EXOC3L4: variants seen among roughly 807,000 people sequenced by gnomAD.
EXOC3L4 encodes exocyst complex component 3 like 4, also known as exocyst complex component 3-like protein 4.
Under a neutral mutation model 69.7 loss-of-function variants are expected in EXOC3L4, and 62 were observed. That is an observed-to-expected ratio of 0.89 (90% CI 0.72 to 1.10). The LOEUF (loss-of-function observed/expected upper bound fraction) is 1.10. Ranked by LOEUF, EXOC3L4 falls within the 50% of genes least tolerant of loss-of-function variation. The probability of loss-of-function intolerance (pLI) is 0.00; values close to 1 mark genes in which losing one functional copy is unlikely to be tolerated. For synonymous variants in EXOC3L4, 502 were observed against 464.2 expected (o/e 1.08, Z -1.05); for missense variants, 1,087 against 1,034.8 (o/e 1.05, Z -0.69).
rs985989746 is a variant in EXOC3L4, at chr14:103,110,245, G to A, written c.*22G>A. 34 of 1,495,348 alleles carry A rather than the reference G, an allele frequency of 2.3e-5. No homozygotes were observed. The highest frequency in any genetic ancestry group is 3.5e-4 in the Middle Eastern group (2 of 5,768). 92.6% of individuals were successfully genotyped at this position (1,495,348 alleles called of 1,614,324 possible). A position where few individuals can be genotyped will look rare whatever the true frequency, so the allele number is the denominator to read the frequency against. On this transcript the variant is annotated 3_prime_UTR_variant, in exon 12 of 12. Coordinates refer to ENST00000688303, the MANE Select transcript of EXOC3L4 (RefSeq NM_001077594.2). ...CTAGTTCTCTCTGGCTCGAGGGGGG[G>A]CCGGCCGCTGGCAGGGAGCTGTGGT...
chr14:103,106,738 C>T (rs763553958), intron 7 of EXOC3L4, 47 bp from the exon 8 acceptor site: 1 of 1,244,802 alleles, frequency 8.0e-7, no homozygotes, highest in African/African-American at 1.5e-5. Context: ...TATTCCCCAG[C>T]CTGGTCTCCC....
intron 5 of EXOC3L4, 174 bp from the exon 6 acceptor site, chr14:103,104,564 C>A: frequency 7.8e-7 from 1 of 1,275,786 alleles, no homozygotes; most frequent in Non-Finnish European, 1.0e-6. Context: ...GGCAGGGAGG[C>A]TGCTGGATGG....
In EXOC3L4 at chr14:103,102,272, C is replaced by G. The variant is rs762863415; in HGVS notation, c.549C>G (p.Cys183Trp). 24 of 1,584,970 alleles carry G rather than the reference C, an allele frequency of 1.5e-5. No individual in the cohort carries two copies. In the Admixed American group the frequency reaches 4.2e-4, roughly 28 times the overall value. The part of the protein sequence containing the change: ...TAFARRAMDV[C>W]LLYDGLAAEI... ...TCGCGCGGCGCGCTATGGACGTGTG[C>G]CTGCTTTACGACGGGCTGGCAGCCG... The change falls in exon 3 of 12, where the codon TGC (cysteine) becomes TGG (tryptophan). Residue 183 changes from cysteine to tryptophan, a missense_variant. Cys to Trp is a radical substitution (Grantham distance 215). Transcript: ENST00000688303.
rs781214501 is a variant in EXOC3L4, at chr14:103,108,525, C to T, written c.1976+8C>T. 5.6e-6 allele frequency: 9 copies of T among 1,611,546 alleles called. No individual in the cohort carries two copies. In the East Asian group the frequency reaches 1.3e-4, roughly 24 times the overall value. The stretch of plus-strand genomic sequence containing the variant: ...GAGCTACCCCGACATCAGGTGTGTA[C>T]CCCACCTGCTTCCACTAGCTTCCTA... On this transcript the variant is annotated splice_region_variant and intron_variant, in intron 11 of 11. Coordinates refer to ENST00000688303, the MANE Select transcript of EXOC3L4 (RefSeq NM_001077594.2).
intron 1 of EXOC3L4, among the ~76,000 whole-genome samples, chr14:103,099,775 G>A (rs1890071581): frequency 6.6e-6 from 1 of 152,136 alleles, no homozygotes; most frequent in Non-Finnish European, 1.5e-5. Context: ...TGGGGGGAGG[G>A]TTTTAGGCCT....
chr14:103,108,706 T>C (rs191971953), intron 11 of EXOC3L4, among the ~76,000 whole-genome samples, 189 bp downstream of exon 11: 1 of 152,160 alleles, frequency 6.6e-6, no homozygotes, highest in Admixed American at 6.5e-5. Context: ...CCTAATCTGC[T>C]CTTGGCCATC....
At chr14:103,094,447 A>C (rs1271903130), upstream of EXOC3L4, among the ~76,000 whole-genome samples, 1 of 151,610 alleles carries the variant, frequency 6.6e-6, no homozygotes, top group Admixed American at 6.6e-5. Context: ...AGCAAAGGAG[A>C]GGTTGGTGGT....
rs1345370945 is a variant in EXOC3L4, at chr14:103,107,405, C to G, written c.1582-19C>G. ...GGGCGTAGTGCACATTTGCAGACTC[C>G]CAGCCCCTCTGTCCCCAGCCGCTCT... is the stretch of plus-strand genomic sequence containing the variant. On this transcript the variant is annotated intron_variant, in intron 8 of 11. Transcript: ENST00000688303. The G allele has an allele frequency of 1.2e-6, 2 of 1,610,374 alleles. No homozygotes were observed. The highest frequency in any genetic ancestry group is 1.3e-5 in the African/African-American group (1 of 74,876).
intron 3 of EXOC3L4, chr14:103,103,658 C>G (rs1405936503): frequency 4.7e-5 from 19 of 405,220 alleles, no homozygotes. Flanking sequence ...GGAGGGTGGC[C>G]GATTCCTGAG....
At chr14:103,108,633 A>T in intron 11 of EXOC3L4, 116 bp downstream of exon 11, 1 of 1,410,724 alleles carries the variant, frequency 7.1e-7, no homozygotes, top group Non-Finnish European at 9.7e-7. Context: ...GACCAGAGGC[A>T]GGAGGTAGGC....
chr14:103,095,493 GGAGGGGCTGAGGTCA>G (rs56081944), intron 1 of EXOC3L4, among the ~76,000 whole-genome samples: 28,565 of 152,180 alleles, frequency 0.19, 3,056 homozygotes, highest in South Asian at 0.27. Context: ...AACTGAAGAA[GGAGGGGCTGAGGTCA>G]TTGTAGGCAG....
Position 103,110,334 on chromosome 14 carries a change from A to G in EXOC3L4, c.*111A>G. Reference sequence around the variant, plus strand: ...GCCCTGCCCCCAACTCTGACACTGCAGTTAGGGAATTTTTGTCGTCAGCAG... The same window carrying G: ...GCCCTGCCCCCAACTCTGACACTGCGGTTAGGGAATTTTTGTCGTCAGCAG... On this transcript the variant is annotated 3_prime_UTR_variant, in exon 12 of 12. Transcript: ENST00000688303. 7.7e-7 allele frequency: 1 copy of G among 1,297,374 alleles called. No homozygotes were observed. The highest frequency in any genetic ancestry group is 1.1e-6 in the Non-Finnish European group (1 of 931,322). 80.4% of individuals were successfully genotyped at this position (1,297,374 alleles called of 1,614,324 possible).
chr14:103,096,401 C>CTTTTTTTTTTTTTTTTTTTTTTTTTTTTT (rs56362121), intron 1 of EXOC3L4, among the ~76,000 whole-genome samples: 1 of 131,912 alleles, frequency 7.6e-6, no homozygotes, highest in Admixed American at 8.3e-5. Context: ...TGGCAAGATT[C>CTTTTTTTTTTTTTTTTTTTTTTTTTTTTT]TTTTTTTTTT....
intron 11 of EXOC3L4, 35 bp from the exon 12 acceptor site, chr14:103,109,996 G>A: frequency 6.5e-7 from 1 of 1,549,934 alleles, no homozygotes; most frequent in Non-Finnish European, 8.7e-7. Flanking sequence ...TTGCGGAGGT[G>A]TAGGTCTGCA....
intron 10 of EXOC3L4, 55 bp downstream of exon 10, chr14:103,107,838 A>G: frequency 6.8e-7 from 1 of 1,462,796 alleles, no homozygotes; most frequent in South Asian, 1.4e-5. Flanking sequence ...GAGTGGTGGC[A>G]GTGACTAGGG....
At chr14:103,099,392 G>C (rs1040650312) in intron 1 of EXOC3L4, among the ~76,000 whole-genome samples, 8 of 152,344 alleles carry the variant, frequency 5.3e-5, no homozygotes, top group African/African-American at 1.9e-4. Flanking sequence ...ATGTCCCTGG[G>C]ACACCCCCTC....
rs756872735 is a variant in EXOC3L4, at chr14:103,105,049, C to T, written c.1443C>T (p.Tyr481=). ...TGAGCGAGCCGCACCTGGGCGCCTACATCAACGCCTGCGAGGAGCTCAGGT... is the reference window on the plus strand; with the variant it reads ...TGAGCGAGCCGCACCTGGGCGCCTATATCAACGCCTGCGAGGAGCTCAGGT... ...EAVSEPHLGA[Y]INACEELRTS... The change falls in exon 7 of 12, where the codon TAC becomes TAT. Residue 481 remains tyrosine, a synonymous_variant. Transcript: ENST00000688303. The T allele has an allele frequency of 9.3e-6, 15 of 1,612,088 alleles. No homozygotes were observed. In the Admixed American group the frequency reaches 1.8e-4, roughly 20 times the overall value.
Position 103,104,331 on chromosome 14 carries a change from A to G in EXOC3L4, c.1226A>G (p.Glu409Gly). The change falls in exon 5 of 12, where the codon GAG (glutamate) becomes GGG (glycine). Residue 409 changes from glutamate (E) to glycine (G), a missense_variant. Coordinates refer to ENST00000688303, the MANE Select transcript of EXOC3L4 (RefSeq NM_001077594.2). ...GAGCAGAGTCACTGGGCGGCCGCCG[A>G]GGTCCCCGAGGTGCTGCAGGGCCTC... ...QLEQSHWAAA[E>G]VPEVLQGLYQ... The G allele has an allele frequency of 4.4e-6, 7 of 1,591,548 alleles. No individual in the cohort carries two copies. Among genetic ancestry groups the G allele is most frequent in the African/African-American group, 1.3e-5 (1 of 74,074 alleles).
chr14:103,104,110 G>A (rs1890390408), intron 4 of EXOC3L4, 58 bp downstream of exon 4: 1 of 1,459,008 alleles, frequency 6.9e-7, no homozygotes, highest in African/African-American at 1.5e-5. Context: ...GCCCTGGGGG[G>A]ATGTGCGGCG....
Sources: allele counts gnomAD v4.1 joint callset (sites outside exome capture counted in the v4.1 genomes callset), GRCh38; gene constraint gnomAD v4.1.1; transcripts MANE v1.5; gene names NCBI Gene and HGNC (gene_info 2026-07-23, HGNC 2026-07-21).